Variants in AKAP13 observed in about 807,000 individuals in gnomAD.
AKAP13 encodes A-kinase anchor protein 13.
AKAP13 carries 80 observed loss-of-function variants against 264.5 expected under a neutral mutation model. The ratio of observed to expected loss-of-function variants is 0.30; its 90% CI spans 0.25 to 0.36. AKAP13 has a LOEUF of 0.36. Ranked by LOEUF, AKAP13 falls within the 10% of genes least tolerant of loss-of-function variation. The probability of loss-of-function intolerance (pLI) is 1.00; values close to 1 mark genes in which losing one functional copy is unlikely to be tolerated. For synonymous variants in AKAP13, 1,380 were observed against 1,250.2 expected (o/e 1.10, Z -2.19); for missense variants, 3,712 against 3,435.2 (o/e 1.08, Z -2.01).
intron 1 of AKAP13, among the ~76,000 whole-genome samples, chr15:85,484,660 T>C (rs906608121): frequency 4.6e-5 from 7 of 152,242 alleles, no homozygotes; most frequent in African/African-American, 1.4e-4. Context: ...ATCCGAGACA[T>C]ACACAACTTG....
chr15:85,551,771 C>A (rs1487389491), intron 5 of AKAP13, among the ~76,000 whole-genome samples: 2 of 152,132 alleles, frequency 1.3e-5, no homozygotes, highest in Non-Finnish European at 2.9e-5. Context: ...TCACTTCAGG[C>A]TTAAGTGGAA....
chr15:85,643,859 C>A lies in AKAP13; in HGVS notation c.4238-1959C>A, dbSNP rs546192358. ...TTTGACTGTCGTGACCCCATTACTACGTACACATTTTTGTTTATCAGTGTT... is the reference window on the plus strand; with the variant it reads ...TTTGACTGTCGTGACCCCATTACTAAGTACACATTTTTGTTTATCAGTGTT... On this transcript the variant is annotated intron_variant, in intron 9 of 36. Coordinates refer to ENST00000394518, the MANE Select transcript of AKAP13 (RefSeq NM_007200.5). 2.0e-5 allele frequency among the ~76,000 whole-genome samples: 3 copies of A among 152,248 alleles called. No individual in the cohort carries two copies. The East Asian group carries it at 5.8e-4, about 29-fold the overall frequency.
At chr15:85,530,443 A>G (rs966002590) in intron 3 of AKAP13, among the ~76,000 whole-genome samples, 7 of 152,192 alleles carry the variant, frequency 4.6e-5, no homozygotes, top group African/African-American at 1.2e-4. Context: ...AAGGAGATCA[A>G]TAAGAAAGGA....
At chr15:85,703,317 CT>C (rs2086036798) in intron 17 of AKAP13, among the ~76,000 whole-genome samples, 1 of 152,126 alleles carries the variant, frequency 6.6e-6, no homozygotes, top group Admixed American at 6.6e-5. Context: ...AAAGGCAATT[CT>C]TTTTTAAGCA....
intron 7 of AKAP13, among the ~76,000 whole-genome samples, chr15:85,582,723 C>T (rs993861487): frequency 5.2e-4 from 79 of 151,644 alleles, no homozygotes; most frequent in African/African-American, 1.9e-3. Flanking sequence ...CCTTTTCCTG[C>T]TTGGGGAGTG....
chr15:85,616,584 G>A (rs1010320991), intron 8 of AKAP13, among the ~76,000 whole-genome samples: 1 of 152,134 alleles, frequency 6.6e-6, no homozygotes, highest in East Asian at 1.9e-4. Context: ...AAGTAGTATG[G>A]CTGTAAATAA....
chr15:85,717,484 A>T, intron 21 of AKAP13, 82 bp downstream of exon 21: 1 of 948,768 alleles, frequency 1.1e-6, no homozygotes, highest in Non-Finnish European at 1.6e-6. Context: ...GTCTTAATGG[A>T]GTGACAGTAC....
intron 13 of AKAP13, among the ~76,000 whole-genome samples, chr15:85,668,355 A>C (rs114410225): frequency 6.6e-6 from 1 of 152,184 alleles, no homozygotes; most frequent in African/African-American, 2.4e-5. Flanking sequence ...TGATAAAGTC[A>C]GTTAACAATT....
At chr15:85,463,974 A>G (rs995173221) in intron 1 of AKAP13, among the ~76,000 whole-genome samples, 2 of 152,102 alleles carry the variant, frequency 1.3e-5, no homozygotes, top group Non-Finnish European at 2.9e-5. Context: ...GCCAGGTAGT[A>G]TGTACTGCGG....
intron 14 of AKAP13, among the ~76,000 whole-genome samples, chr15:85,673,666 CTTTTTTTTTTTTTT>C (rs386383664): frequency 2.6e-5 from 2 of 77,540 alleles, no homozygotes; most frequent in Admixed American, 2.0e-4. Flanking sequence ...TTCTTTCTTT[CTTTTTTTTTTTTTT>C]TTTTTTTTTT....
intron 1 of AKAP13, among the ~76,000 whole-genome samples, chr15:85,385,689 C>G (rs756398540): frequency 6.6e-6 from 1 of 152,110 alleles, no homozygotes; most frequent in Non-Finnish European, 1.5e-5. Flanking sequence ...ATCTTTTCAT[C>G]TGATTATTTG....
chr15:85,507,837 C>G (rs1480765007), intron 2 of AKAP13, among the ~76,000 whole-genome samples: 1 of 152,250 alleles, frequency 6.6e-6, no homozygotes, highest in Admixed American at 6.5e-5. Flanking sequence ...TCCCACACAT[C>G]AGACTGGTGG....
rs746598882 is a variant in AKAP13 at position 85,719,372 on chromosome 15, G to A, written c.6252+46G>A. The A allele has an allele frequency of 1.9e-6, 3 of 1,601,584 alleles. No homozygotes were observed. The East Asian group carries it at 6.7e-5, about 36-fold the overall frequency. On this transcript the variant is annotated intron_variant, in intron 23 of 36. Coordinates refer to ENST00000394518, the MANE Select transcript of AKAP13 (RefSeq NM_007200.5). ...AGGTTCTTACATACACTGGGAAAAA[G>A]GGAAGTCATGGGGTTCCACAGCCAT...
intron 5 of AKAP13, among the ~76,000 whole-genome samples, chr15:85,566,331 G>A (rs148031762): frequency 6.5e-4 from 99 of 152,266 alleles, no homozygotes; most frequent in African/African-American, 2.3e-3. Context: ...TAGTGCATAA[G>A]ATGCCACACA....
rs772184480 is a variant in AKAP13 at position 85,582,066 on chromosome 15, A to G, written c.3998A>G (p.Glu1333Gly). 1.9e-6 allele frequency: 3 copies of G among 1,612,950 alleles called. No homozygotes were observed. In the Admixed American group the frequency reaches 5.0e-5, roughly 27 times the overall value. Residue 1333 changes from glutamate to glycine, a missense_variant, in exon 7 of 37, where the codon GAG (glutamate) becomes GGG (glycine). Glu to Gly is a moderately conservative substitution (Grantham distance 98). This residue lies in a region of AKAP13 where 2,759 missense variants were observed against 2,411.7 expected (regional missense o/e 1.14). Transcript: ENST00000394518. ...AGCFAGREEP[E>G]KIILPVQGPE... ...TGTTTTGCTGGAAGGGAGGAGCCAG[A>G]GAAGATCATTTTACCTGTCCAGGGG...
At chr15:85,736,896 CAA>C (rs1487340579) in intron 33 of AKAP13, among the ~76,000 whole-genome samples, 1 of 143,398 alleles carries the variant, frequency 7.0e-6, no homozygotes, top group Non-Finnish European at 1.5e-5. Flanking sequence ...TTCAAGTACT[CAA>C]GTTATATCAT....
chr15:85,703,059 T>C (rs1435729290), intron 17 of AKAP13, among the ~76,000 whole-genome samples: 1 of 152,226 alleles, frequency 6.6e-6, no homozygotes, highest in Non-Finnish European at 1.5e-5. Flanking sequence ...ACTTTTGTGG[T>C]AGGTTGTTTC....
intron 1 of AKAP13, among the ~76,000 whole-genome samples, chr15:85,385,744 T>G (rs1184128881): frequency 1.3e-5 from 2 of 152,150 alleles, no homozygotes; most frequent in Non-Finnish European, 2.9e-5. Context: ...AAAAAATGAG[T>G]TTTTGTATAT....
At chr15:85,706,532 C>A (rs553083156) in intron 17 of AKAP13, among the ~76,000 whole-genome samples, 1 of 152,182 alleles carries the variant, frequency 6.6e-6, no homozygotes, top group Admixed American at 6.5e-5. Context: ...CTAGTACATA[C>A]ATACATGCAG....
Sources: allele counts gnomAD v4.1 joint callset (sites outside exome capture counted in the v4.1 genomes callset), GRCh38; gene constraint gnomAD v4.1.1; regional missense constraint gnomAD v4.1.1; transcripts MANE v1.5; gene names NCBI Gene and HGNC (gene_info 2026-07-23, HGNC 2026-07-21).